The following EARS2 variants were observed in gnomAD, a reference collection of about 807,000 sequenced individuals.
EARS2 encodes glutamyl-tRNA synthetase 2, mitochondrial.
A neutral mutation model predicts 54.1 loss-of-function variants in EARS2; 50 were observed. That is an observed-to-expected ratio of 0.92 (90% CI 0.74 to 1.17). The LOEUF is 1.17. EARS2 is among the 50% of genes most tolerant of loss of function. The pLI is 0.00. For missense variants in EARS2, 673 were observed against 675.0 expected, an observed-to-expected ratio of 1.00 and a Z score of 0.03; for synonymous variants, 298 against 281.0, an observed-to-expected ratio of 1.06 and a Z score of -0.61.
chr16:23,529,991 C>T (rs1276386946), intron 5 of EARS2, 94 bp from the exon 6 acceptor site: 5 of 1,486,930 alleles, frequency 3.4e-6, no homozygotes, highest in Non-Finnish European at 3.6e-6. Flanking sequence ...GGAAGAATGA[C>T]ATATCAGGTC....
chr16:23,545,340 G>GA (rs1241655285), intron 2 of EARS2: 3 of 152,256 alleles, frequency 2.0e-5, no homozygotes, highest in African/African-American at 4.8e-5. Context: ...TGACTTAGGA[G>GA]AAAAAAGCAT....
chr16:23,524,787 C>T (rs989864903), intron 8 of EARS2, among the ~76,000 whole-genome samples: 1 of 151,890 alleles, frequency 6.6e-6, no homozygotes, highest in Non-Finnish European at 1.5e-5. Flanking sequence ...GCTGGGATTA[C>T]AGGCGCACCA....
chr16:23,542,515 C>T (rs1273146295), intron 3 of EARS2, among the ~76,000 whole-genome samples: 1 of 151,468 alleles, frequency 6.6e-6, no homozygotes, highest in Non-Finnish European at 1.5e-5. Context: ...GGGGTTTCAC[C>T]ACATTGGCCA....
chr16:23,534,648 T>G (rs1054390244), intron 4 of EARS2, among the ~76,000 whole-genome samples: 3 of 152,156 alleles, frequency 2.0e-5, no homozygotes, highest in Non-Finnish European at 4.4e-5. Flanking sequence ...CAACTGAGGC[T>G]CAGAGACTAT....
At chr16:23,525,015 A>C in intron 8 of EARS2, 3 of 614,804 alleles carry the variant, frequency 4.9e-6, no homozygotes, top group Non-Finnish European at 5.6e-6. Flanking sequence ...CCATGGAGGC[A>C]GAGATTATGT....
intron 5 of EARS2, among the ~76,000 whole-genome samples, chr16:23,531,712 A>G (rs1965330377): frequency 6.6e-6 from 1 of 152,284 alleles, no homozygotes; most frequent in African/African-American, 2.4e-5. Context: ...CTCTGGGCTC[A>G]TGCAAGTAAA....
Position 23,532,699 on chromosome 16 carries a change from T to C in EARS2, c.1025A>G (p.His342Arg). 1 of 1,614,114 alleles carries C rather than the reference T, an allele frequency of 6.2e-7. No individual in the cohort carries two copies. The highest frequency in any genetic ancestry group is 8.5e-7 in the Non-Finnish European group (1 of 1,179,990). Reference protein sequence around the residue: ...TQFNLTQVTCHSALLDLEKLP... With the variant: ...TQFNLTQVTCRSALLDLEKLP... ...CTTCTCCAGGTCCAGCAGGGCTGAG[T>C]GACAGGTGACCTGTGTCAGGTTGAA... The change falls in exon 5 of 9, where the codon CAC becomes CGC. Residue 342 changes from histidine (H) to arginine (R), a missense_variant. Transcript: ENST00000449606.
At chr16:23,544,761 G>T in intron 2 of EARS2, 58 bp from the exon 3 acceptor site, 1 of 1,429,858 alleles carries the variant, frequency 7.0e-7, no homozygotes, top group Non-Finnish European at 9.5e-7. Flanking sequence ...CTCAGGCATT[G>T]CTCTAAGCAC....
At position 23,529,509 on chromosome 16, in the gene EARS2, C is replaced by T. The variant is rs1204592638; in HGVS notation, c.1345G>A (p.Val449Met). Residue 449 changes from valine (V) to methionine (M), a missense_variant, in exon 7 of 9, where the codon GTG becomes ATG. Physicochemically the swap from Val to Met is conservative, Grantham distance 21 (BLOSUM62 1). This residue lies in a region of EARS2 where 338 missense variants were observed against 361.2 expected (regional missense o/e 0.94). Coordinates refer to ENST00000449606, the MANE Select transcript of EARS2 (RefSeq NM_001083614.2). ...CAGCCTGCGGGTACTCACCCCAGCA[C>T]ACGCTTGGCAATCACATCCACCTTC... ...SEKVDVIAKRVLGLLERSSMS... is the reference protein window; with the variant it reads ...SEKVDVIAKRMLGLLERSSMS... 1.2e-6 allele frequency: 2 copies of T among 1,613,872 alleles called. No homozygotes were observed. Among genetic ancestry groups the T allele is most frequent in the Admixed American group, 3.3e-5 (2 of 59,974 alleles).
chr16:23,528,620 GC>G (rs1965269454), intron 7 of EARS2, among the ~76,000 whole-genome samples: 1 of 152,232 alleles, frequency 6.6e-6, no homozygotes, highest in African/African-American at 2.4e-5. Flanking sequence ...ATAGGCCCTG[GC>G]CAGGCACTAT....
chr16:23,531,055 AT>A lies in EARS2; in HGVS notation c.1068-1159del, dbSNP rs58745088. On this transcript the variant is annotated intron_variant, in intron 5 of 8. Transcript: ENST00000449606. Reference sequence around the variant, plus strand: ...TACAGGCGCCCGCCACGTCGGGCTGATTTTTTTTTTTTTTTCTATTTTTAGT... The same window carrying A: ...TACAGGCGCCCGCCACGTCGGGCTGATTTTTTTTTTTTTTCTATTTTTAGT... Among the ~76,000 whole-genome samples, 728 of 133,520 alleles carry A rather than the reference AT, an allele frequency of 5.5e-3. 1 individual carries two copies. Among genetic ancestry groups the A allele is most frequent in the African/African-American group, 8.8e-3 (323 of 36,584 alleles). The allele number at this position is 133,520 out of a possible 152,430, so 87.6% of individuals were successfully genotyped here.
intron 3 of EARS2, among the ~76,000 whole-genome samples, chr16:23,543,436 C>CAA (rs1452935161): frequency 7.2e-6 from 1 of 139,712 alleles, no homozygotes; most frequent in Non-Finnish European, 1.6e-5. Flanking sequence ...ACAACAACAA[C>CAA]AACAAAAAAA....
At chr16:23,556,563 A>G (rs926076624) in intron 1 of EARS2, among the ~76,000 whole-genome samples, 1 of 152,186 alleles carries the variant, frequency 6.6e-6, no homozygotes, top group African/African-American at 2.4e-5. Flanking sequence ...CATGTTGGTC[A>G]GACGGCTCTC....
Position 23,522,122 on chromosome 16 carries a change from G to T in EARS2, c.*2249C>A. 1 of 255,908 alleles carries T rather than the reference G, an allele frequency of 3.9e-6. No homozygotes were observed. The highest frequency in any genetic ancestry group is 8.0e-6 in the Non-Finnish European group (1 of 124,868). 15.9% of individuals were successfully genotyped at this position (255,908 alleles called of 1,614,324 possible). A position where few individuals can be genotyped will look rare whatever the true frequency, so the allele number is the denominator to read the frequency against. ...CATATAAGCGCACAATAAATTACAA[G>T]TATTATTATTGTCCCCTTCTGTGGT... On this transcript the variant is annotated 3_prime_UTR_variant, in exon 9 of 9. Transcript: ENST00000449606.
chr16:23,553,845 G>A (rs1194306552), intron 1 of EARS2, among the ~76,000 whole-genome samples: 2 of 150,052 alleles, frequency 1.3e-5, no homozygotes, highest in African/African-American at 2.5e-5. Context: ...GCAGTGAGCC[G>A]AGATCGCACC....
At chr16:23,548,163 G>A (rs1432060114) in intron 2 of EARS2, among the ~76,000 whole-genome samples, 4 of 151,842 alleles carry the variant, frequency 2.6e-5, no homozygotes, top group South Asian at 2.1e-4. Context: ...GAACCCGGGA[G>A]GTGGAGCTTG....
chr16:23,532,851 T>C, intron 4 of EARS2, 86 bp from the exon 5 acceptor site: 2 of 927,382 alleles, frequency 2.2e-6, no homozygotes, highest in Non-Finnish European at 3.3e-6. Flanking sequence ...GACAGGATCT[T>C]GCTCTGCTGC....
chr16:23,526,955 T>A (rs1965238871), intron 7 of EARS2, among the ~76,000 whole-genome samples: 1 of 120,790 alleles, frequency 8.3e-6, no homozygotes, highest in South Asian at 2.8e-4. Flanking sequence ...TCTCAGTTTT[T>A]AAAAATAATT....
intron 5 of EARS2, among the ~76,000 whole-genome samples, chr16:23,530,454 TTTTA>T (rs1426608297): frequency 2.0e-5 from 3 of 152,126 alleles, no homozygotes; most frequent in Non-Finnish European, 2.9e-5. Flanking sequence ...GACCTTTTAT[TTTTA>T]TTTATTTATT....
Sources: gnomAD v4.1 joint callset for allele counts (sites outside exome capture counted in the v4.1 genomes callset) on GRCh38, gnomAD v4.1.1 for gene constraint, gnomAD v4.1.1 regional missense constraint, MANE v1.5 for transcripts, NCBI Gene and HGNC (gene_info 2026-07-23, HGNC 2026-07-21) for gene names.